Variants in PIAS4 observed in about 807,000 individuals in gnomAD.
PIAS4 encodes E3 SUMO-protein ligase PIAS4.
In PIAS4, 7 loss-of-function variants were observed where a neutral mutation model predicts 58.0. That is an observed-to-expected ratio of 0.12 (90% confidence interval 0.07 to 0.23). PIAS4 has a LOEUF of 0.23. Ranked by LOEUF, PIAS4 falls within the 10% of genes least tolerant of loss-of-function variation. The pLI is 1.00. For synonymous variants in PIAS4, 364 were observed against 312.4 expected, an observed-to-expected ratio of 1.17 and a Z score of -1.74; for missense variants, 550 against 709.5, an observed-to-expected ratio of 0.78 and a Z score of 2.55.
At chr19:4,033,049 C>G (rs754397693) in intron 7 of PIAS4, 51 bp from the exon 8 acceptor site, 14 of 1,451,100 alleles carry the variant, frequency 9.6e-6, no homozygotes, top group Non-Finnish European at 1.3e-5. Context: ...CACAGCCCCG[C>G]GCCCTGCTGT....
intron 2 of PIAS4, 72 bp from the exon 3 acceptor site, chr19:4,023,964 C>A: frequency 9.8e-7 from 1 of 1,017,034 alleles, no homozygotes; most frequent in Non-Finnish European, 1.6e-6. Context: ...GAGGCGCAGG[C>A]TGGGAAAAGC....
At chr19:4,036,615 C>G (rs1375774652) in intron 9 of PIAS4, among the ~76,000 whole-genome samples, 2 of 139,076 alleles carry the variant, frequency 1.4e-5, no homozygotes, top group Non-Finnish European at 3.1e-5. Flanking sequence ...TCTATACAGT[C>G]CACACCGTCT....
chr19:4,031,766 C>G (rs1449478211), intron 7 of PIAS4, among the ~76,000 whole-genome samples: 1 of 152,226 alleles, frequency 6.6e-6, no homozygotes, highest in African/African-American at 2.4e-5. Context: ...TTCTTTCTTG[C>G]TGCACCTAGG....
chr19:4,037,776 T>TGAGGAGGAGGAGGAAGAGGAG lies in PIAS4; in HGVS notation c.1440_1460dup (p.Glu481_Glu487dup). On this transcript the variant is annotated inframe_insertion, in exon 11 of 11. Coordinates refer to ENST00000262971, the MANE Select transcript of PIAS4 (RefSeq NM_015897.4). The surrounding 1 kb of genome is among the most constrained non-coding windows in gnomAD (Gnocchi z 5.8). ...TGGACAGCTCATCGTCCTCGGAGGA[T>TGAGGAGGAGGAGGAAGAGGAG]GAGGAGGAGGAGGAAGAGGAGGAGG... is the stretch of plus-strand genomic sequence containing the variant. 1 of 1,602,902 alleles carries TGAGGAGGAGGAGGAAGAGGAG rather than the reference T, an allele frequency of 6.2e-7. No individual in the cohort carries two copies. Among genetic ancestry groups the TGAGGAGGAGGAGGAAGAGGAG allele is most frequent in the East Asian group, 2.2e-5 (1 of 44,526 alleles).
At chr19:4,027,579 T>TTG (rs1555689040) in intron 3 of PIAS4, among the ~76,000 whole-genome samples, 2 of 151,014 alleles carry the variant, frequency 1.3e-5, no homozygotes, top group Non-Finnish European at 1.5e-5. Flanking sequence ...TTTTTTTTTT[T>TTG]TTGGAGAGTG....
In PIAS4 at chr19:4,037,541, C is replaced by T; in HGVS notation, c.1273+37C>T. On this transcript the variant is annotated intron_variant, in intron 10 of 10. Transcript: ENST00000262971. This position sits in a 1 kb window ranked among gnomAD's most constrained non-coding sequence, Gnocchi z 5.8. ...ACCCCACCAGCCGCGCAGTCCGCAGCCAGGGCCGCCTCAGTTTCCCCATTT... is the reference window on the plus strand; with the variant it reads ...ACCCCACCAGCCGCGCAGTCCGCAGTCAGGGCCGCCTCAGTTTCCCCATTT... 6.2e-7 allele frequency: 1 copy of T among 1,607,856 alleles called. No individual in the cohort carries two copies. The highest frequency in any genetic ancestry group is 8.5e-7 in the Non-Finnish European group (1 of 1,179,710).
chr19:4,010,313 A>C (rs570491870), intron 1 of PIAS4, among the ~76,000 whole-genome samples: 1 of 152,152 alleles, frequency 6.6e-6, no homozygotes, highest in African/African-American at 2.4e-5. Context: ...CTGCGGCTCC[A>C]CTGTCCAGCC....
At chr19:4,035,705 G>A (rs1009013104) in intron 9 of PIAS4, among the ~76,000 whole-genome samples, 1 of 101,504 alleles carries the variant, frequency 9.9e-6, no homozygotes, top group Non-Finnish European at 2.2e-5. Flanking sequence ...GCAGGTGTGC[G>A]TGCACACCCA....
chr19:4,033,832 C>G (rs967955798), intron 9 of PIAS4, among the ~76,000 whole-genome samples: 8 of 152,214 alleles, frequency 5.3e-5, no homozygotes, highest in African/African-American at 1.9e-4. Context: ...CCACCCCGCT[C>G]CCACGTGACC....
intron 9 of PIAS4, among the ~76,000 whole-genome samples, chr19:4,035,793 T>TCTCA (rs2040269723): frequency 9.7e-4 from 3 of 3,102 alleles, no homozygotes; most frequent in African/African-American, 1.9e-3. Context: ...GTCCATACCA[T>TCTCA]CACACACACC....
intron 1 of PIAS4, among the ~76,000 whole-genome samples, chr19:4,009,021 G>A (rs1251721161): frequency 7.2e-5 from 11 of 152,152 alleles, no homozygotes; most frequent in Non-Finnish European, 1.5e-4. Context: ...ATTGAGCTCA[G>A]AGTATCCCCA....
At position 4,007,750 on chromosome 19, in the gene PIAS4, T is replaced by G. The variant is rs2039956851; in HGVS notation, c.-11T>G. 4.9e-6 allele frequency: 6 copies of G among 1,215,540 alleles called. No individual in the cohort carries two copies. Among genetic ancestry groups the G allele is most frequent in the Non-Finnish European group, 6.2e-6 (6 of 970,910 alleles). The allele number at this position is 1,215,540 out of a possible 1,614,324, so 75.3% of individuals were successfully genotyped here. On this transcript the variant is annotated 5_prime_UTR_variant, in exon 1 of 11. Transcript: ENST00000262971. ...TGGGGGCTCCCGGCGCGGGGGACGC[T>G]GGTGACCAAGATGGCGGCGGAGCTG...
At chr19:4,011,090 C>T (rs1266027004) in intron 1 of PIAS4, among the ~76,000 whole-genome samples, 1 of 152,370 alleles carries the variant, frequency 6.6e-6, no homozygotes, top group African/African-American at 2.4e-5. Flanking sequence ...AGCCGGAAAC[C>T]TCAGCGCCTC....
Position 4,037,408 on chromosome 19 carries a change from G to C in PIAS4, c.1177G>C (p.Ala393Pro). 6.2e-7 allele frequency: 1 copy of C among 1,610,670 alleles called. No homozygotes were observed. Among genetic ancestry groups the C allele is most frequent in the Non-Finnish European group, 8.5e-7 (1 of 1,178,564 alleles). Reference sequence around the variant, plus strand: ...GAAGATCCTGAGCGAGTGTGAGGACGCCGACGAGATCGAGTACCTGGTGGA... The same window carrying C: ...GAAGATCCTGAGCGAGTGTGAGGACCCCGACGAGATCGAGTACCTGGTGGA... ...LSKILSECED[A>P]DEIEYLVDGS... Residue 393 changes from alanine (A) to proline (P), a missense_variant, in exon 10 of 11, where the codon GCC (alanine) becomes CCC (proline). Transcript: ENST00000262971. This position sits in a 1 kb window ranked among gnomAD's most constrained non-coding sequence, Gnocchi z 5.8.
rs2040327832 is a variant in PIAS4, at chr19:4,038,466, G to C, written c.*591G>C. On this transcript the variant is annotated 3_prime_UTR_variant, in exon 11 of 11. Transcript: ENST00000262971. The surrounding 1 kb of genome is among the most constrained non-coding windows in gnomAD (Gnocchi z 4.1). The stretch of plus-strand genomic sequence containing the variant: ...GAGGGGCAGTAGGGTGGGGGGATGG[G>C]TGGGCAGGATGGGGGTACAGTGGGC... 1 of 149,928 alleles carries C rather than the reference G, an allele frequency of 6.7e-6. No individual in the cohort carries two copies. 9.3% of individuals were successfully genotyped at this position (149,928 alleles called of 1,614,324 possible).
Position 4,012,989 on chromosome 19 carries a change from A to C in PIAS4, c.94A>C (p.Ser32Arg). 2 of 1,613,620 alleles carry C rather than the reference A, an allele frequency of 1.2e-6. No homozygotes were observed. The highest frequency in any genetic ancestry group is 1.7e-6 in the Non-Finnish European group (2 of 1,179,960). The part of the protein sequence containing the change: ...MLLGFVGRSK[S>R]GLKHELVTRA... The stretch of plus-strand genomic sequence containing the variant: ...CCTGGGTTTCGTGGGCCGGAGTAAG[A>C]GTGGACTGAAGCACGAGCTCGTCAC... The change falls in exon 2 of 11, where the codon AGT (serine) becomes CGT (arginine). Residue 32 changes from serine (S) to arginine (R), a missense_variant. Ser to Arg is a moderately radical substitution (Grantham distance 110). Transcript: ENST00000262971.
chr19:4,021,788 C>G (rs1193009857), intron 2 of PIAS4, among the ~76,000 whole-genome samples: 1 of 146,028 alleles, frequency 6.8e-6, no homozygotes, highest in Non-Finnish European at 1.5e-5. Flanking sequence ...TTCTGTTGCC[C>G]AGGCTGGAGT....
At chr19:4,010,884 A>G (rs891331596) in intron 1 of PIAS4, among the ~76,000 whole-genome samples, 9 of 152,226 alleles carry the variant, frequency 5.9e-5, no homozygotes, top group Non-Finnish European at 7.4e-5. Flanking sequence ...CTCTTTGGGC[A>G]GGGCTGGGCC....
At chr19:4,016,232 A>C (rs2040052838) in intron 2 of PIAS4, among the ~76,000 whole-genome samples, 2 of 152,230 alleles carry the variant, frequency 1.3e-5, no homozygotes, top group African/African-American at 4.8e-5. Context: ...AGAGGCTGTC[A>C]GGAAATGTGG....
Sources: allele counts gnomAD v4.1 joint callset (sites outside exome capture counted in the v4.1 genomes callset), GRCh38; gene constraint gnomAD v4.1.1; non-coding constraint Gnocchi (gnomAD v3.1); transcripts MANE v1.5; gene names NCBI Gene and HGNC (gene_info 2026-07-23, HGNC 2026-07-21).